Variants in KCNQ5 observed in about 807,000 individuals in gnomAD.
KCNQ5 encodes the protein potassium voltage-gated channel subfamily KQT member 5.
KCNQ5 carries 30 observed loss-of-function variants against 98.2 expected under a neutral mutation model. The ratio of observed to expected loss-of-function variants is 0.31; its 90% CI spans 0.23 to 0.41. The LOEUF is 0.41. KCNQ5 is among the 10% of genes least tolerant of loss of function. KCNQ5 has a pLI of 1.00. For missense variants in KCNQ5, 835 were observed against 1,182.5 expected (o/e 0.71, Z 4.31); for synonymous variants, 458 against 449.4 (o/e 1.02, Z -0.24).
chr6:72,849,601 A>C (rs1199078790), intron 1 of KCNQ5, among the ~76,000 whole-genome samples: 1 of 152,202 alleles, frequency 6.6e-6, no homozygotes. Context: ...TGCAAGAACT[A>C]CATGCCCATC....
chr6:73,020,007 C>A (rs976451781), intron 2 of KCNQ5, among the ~76,000 whole-genome samples: 1 of 152,064 alleles, frequency 6.6e-6, no homozygotes, highest in Non-Finnish European at 1.5e-5. Context: ...AAAACAAAGT[C>A]TTTTATCTGT....
At chr6:73,104,058 C>T (rs1246906719) in intron 5 of KCNQ5, among the ~76,000 whole-genome samples, 3 of 152,086 alleles carry the variant, frequency 2.0e-5, no homozygotes, top group Admixed American at 6.5e-5. Flanking sequence ...CAAGGATGCT[C>T]ACTTTTGCCA....
chr6:73,105,183 C>T (rs1774952231), intron 5 of KCNQ5, 74 bp from the exon 6 acceptor site: 1 of 704,788 alleles, frequency 1.4e-6, no homozygotes, highest in Admixed American at 2.6e-5. Context: ...GGAAACGTTG[C>T]TTGCCTCCTG....
chr6:72,646,811 A>G (rs1488903263), intron 1 of KCNQ5, among the ~76,000 whole-genome samples: 1 of 152,236 alleles, frequency 6.6e-6, no homozygotes, highest in Non-Finnish European at 1.5e-5. Context: ...GGCCATGTCT[A>G]TGAGCACTGA....
At chr6:72,801,091 A>G (rs1453425521) in intron 1 of KCNQ5, among the ~76,000 whole-genome samples, 2 of 152,222 alleles carry the variant, frequency 1.3e-5, no homozygotes, top group African/African-American at 2.4e-5. Context: ...GCTGAAAAAA[A>G]TGTATATTCT....
intron 1 of KCNQ5, among the ~76,000 whole-genome samples, chr6:72,972,115 T>TA (rs979259123): frequency 6.6e-6 from 1 of 152,122 alleles, no homozygotes; most frequent in African/African-American, 2.4e-5. Context: ...TAGCTACCGG[T>TA]AAAGAAATTC....
chr6:72,717,168 G>C (rs17740488), intron 1 of KCNQ5, among the ~76,000 whole-genome samples: 18,703 of 152,188 alleles, frequency 0.12, 1,324 homozygotes, highest in East Asian at 0.22. Context: ...TATTTAGTTT[G>C]AGCAAATCTA....
intron 1 of KCNQ5, among the ~76,000 whole-genome samples, chr6:72,762,707 T>A (rs1772349717): frequency 6.6e-6 from 1 of 152,078 alleles, no homozygotes; most frequent in African/African-American, 2.4e-5. Context: ...GAGAAGAGGA[T>A]GATAGTGTGT....
chr6:73,024,123 A>G (rs1173601158), intron 2 of KCNQ5, among the ~76,000 whole-genome samples: 2 of 152,140 alleles, frequency 1.3e-5, no homozygotes, highest in African/African-American at 4.8e-5. Flanking sequence ...GCTCTTGACA[A>G]CCACACACCT....
chr6:72,923,988 G>C (rs914699448), intron 1 of KCNQ5, among the ~76,000 whole-genome samples: 1 of 152,054 alleles, frequency 6.6e-6, no homozygotes, highest in African/African-American at 2.4e-5. Context: ...CAGAAAAAAA[G>C]GTATTGAAAT....
intron 3 of KCNQ5, among the ~76,000 whole-genome samples, chr6:73,075,632 G>C (rs1475613958): frequency 6.6e-6 from 1 of 152,084 alleles, no homozygotes; most frequent in Non-Finnish European, 1.5e-5. Context: ...ATATGTCTTT[G>C]GTGTCAGTGT....
intron 1 of KCNQ5, among the ~76,000 whole-genome samples, chr6:72,764,410 G>A (rs920179079): frequency 1.3e-4 from 19 of 151,942 alleles, no homozygotes; most frequent in Non-Finnish European, 2.8e-4. Flanking sequence ...GGAAGTGCTA[G>A]GAATACTGTT....
At chr6:72,675,550 A>G (rs1286915699) in intron 1 of KCNQ5, among the ~76,000 whole-genome samples, 1 of 152,094 alleles carries the variant, frequency 6.6e-6, no homozygotes, top group Non-Finnish European at 1.5e-5. Flanking sequence ...GCATCTTACC[A>G]GACAAACAAT....
chr6:73,124,426 G>T (rs1016701214), intron 8 of KCNQ5, 60 bp from the exon 9 acceptor site: 3 of 1,549,624 alleles, frequency 1.9e-6, no homozygotes, highest in South Asian at 1.1e-5. Flanking sequence ...CCATTATCAA[G>T]TGCTATAAAT....
intron 1 of KCNQ5, among the ~76,000 whole-genome samples, chr6:72,632,044 A>C (rs2154471592): frequency 6.6e-6 from 1 of 152,298 alleles, no homozygotes; most frequent in South Asian, 2.1e-4. Context: ...CTTTGAACCA[A>C]GGCAGGTTGG....
intron 5 of KCNQ5, 101 bp from the exon 6 acceptor site, chr6:73,105,156 T>C (rs1181909832): frequency 1.2e-5 from 7 of 591,592 alleles, no homozygotes; most frequent in Non-Finnish European, 2.1e-5. Context: ...ACAAGATTTG[T>C]TGAATAATGA....
chr6:72,630,619 C>A (rs545356680), intron 1 of KCNQ5: 3 of 151,654 alleles, frequency 2.0e-5, no homozygotes, highest in Non-Finnish European at 4.4e-5. Context: ...TATAAAATAT[C>A]AGTACCAGTT....
At chr6:72,992,739 A>T in intron 1 of KCNQ5, among the ~76,000 whole-genome samples, 1 of 106,414 alleles carries the variant, frequency 9.4e-6, no homozygotes, top group Non-Finnish European at 1.8e-5. Context: ...CAGTTGATGC[A>T]GTTTCTTCCT....
At chr6:73,133,300 A>G in intron 9 of KCNQ5, 121 bp from the exon 10 acceptor site, 1 of 773,696 alleles carries the variant, frequency 1.3e-6, no homozygotes, top group Non-Finnish European at 2.1e-6. Flanking sequence ...CTATGCTCCT[A>G]CGTGCTGAAA....
Sources: gnomAD v4.1 joint callset for allele counts (sites outside exome capture counted in the v4.1 genomes callset) on GRCh38, gnomAD v4.1.1 for gene constraint, MANE v1.5 for transcripts, NCBI Gene and HGNC (gene_info 2026-07-23, HGNC 2026-07-21) for gene names.